EXOC4: variants seen among roughly 807,000 people sequenced by gnomAD.
EXOC4 encodes the protein SEC8-like 1.
A neutral mutation model predicts 107.2 loss-of-function variants in EXOC4; 71 were observed. That is an observed-to-expected ratio of 0.66 (90% confidence interval 0.55 to 0.81). EXOC4 has a LOEUF of 0.81. EXOC4 is among the 30% of genes least tolerant of loss of function. The pLI is 0.00. For synonymous variants in EXOC4, 456 were observed against 441.2 expected, an observed-to-expected ratio of 1.03 and a Z score of -0.42; for missense variants, 1,108 against 1,189.6, an observed-to-expected ratio of 0.93 and a Z score of 1.01.
intron 17 of EXOC4, among the ~76,000 whole-genome samples, chr7:134,024,405 C>G (rs547357600): frequency 8.4e-4 from 127 of 151,272 alleles, no homozygotes; most frequent in African/African-American, 3.0e-3. Context: ...GAGCCGAGAT[C>G]GCGCCACTGC....
At chr7:133,390,569 T>C (rs965378446) in intron 7 of EXOC4, among the ~76,000 whole-genome samples, 6 of 152,128 alleles carry the variant, frequency 3.9e-5, no homozygotes, top group African/African-American at 1.4e-4. Flanking sequence ...AGGGATTTGA[T>C]AGACTTGCCT....
chr7:134,007,767 C>T lies in EXOC4; in HGVS notation c.2619C>T (p.Asn873=). Reference sequence around the variant, plus strand: ...CTGGCATCAAGAAAATGTGTAGGAACATTTTTGTTCTTCAGCAGAATTTGA... The same window carrying T: ...CTGGCATCAAGAAAATGTGTAGGAATATTTTTGTTCTTCAGCAGAATTTGA... ...SESGIKKMCR[N]IFVLQQNLTN... is the part of the protein sequence containing the mutation. The change falls in exon 17 of 18, where the codon AAC becomes AAT. Residue 873 remains asparagine, a synonymous_variant. Transcript: ENST00000253861. The T allele has an allele frequency of 6.2e-7, 1 of 1,613,594 alleles. No homozygotes were observed. Among genetic ancestry groups the T allele is most frequent in the Non-Finnish European group, 8.5e-7 (1 of 1,179,740 alleles).
chr7:133,815,389 A>C (rs1797343609), intron 10 of EXOC4, among the ~76,000 whole-genome samples: 1 of 150,462 alleles, frequency 6.6e-6, no homozygotes, highest in African/African-American at 2.4e-5. Flanking sequence ...AAAAAAAAAA[A>C]GACAAAAACA....
At chr7:133,511,308 A>G (rs1467194305) in intron 9 of EXOC4, among the ~76,000 whole-genome samples, 5 of 152,220 alleles carry the variant, frequency 3.3e-5, no homozygotes, top group Non-Finnish European at 7.3e-5. Flanking sequence ...TAAATTGTTG[A>G]GAATTGACTA....
intron 13 of EXOC4, among the ~76,000 whole-genome samples, chr7:133,925,253 T>A (rs758479298): frequency 6.6e-6 from 1 of 152,162 alleles, no homozygotes; most frequent in Admixed American, 6.5e-5. Context: ...GTTTTTTAAC[T>A]AAAAAATAAA....
At chr7:133,844,281 A>G (rs138041540) in intron 11 of EXOC4, among the ~76,000 whole-genome samples, 78 of 150,478 alleles carry the variant, frequency 5.2e-4, no homozygotes, top group South Asian at 1.7e-3. Flanking sequence ...ATTTCTGTCA[A>G]TTGCCTGTGT....
At position 133,758,869 on chromosome 7, in the gene EXOC4, C is replaced by T. The variant is rs532995563; in HGVS notation, c.1515-58456C>T. Reference sequence around the variant, plus strand: ...GCATGCCTTTTTAGTCTGTAGACTACAGAGGACAAAGATCATGTTATTCAT... The same window carrying T: ...GCATGCCTTTTTAGTCTGTAGACTATAGAGGACAAAGATCATGTTATTCAT... On this transcript the variant is annotated intron_variant, in intron 10 of 17. Transcript: ENST00000253861. 2.0e-3 allele frequency among the ~76,000 whole-genome samples: 298 copies of T among 152,176 alleles called. 1 individual carries two copies. The highest frequency in any genetic ancestry group is 6.9e-3 in the African/African-American group (286 of 41,514).
At chr7:133,708,798 G>A (rs1470396020) in intron 10 of EXOC4, among the ~76,000 whole-genome samples, 1 of 152,178 alleles carries the variant, frequency 6.6e-6, no homozygotes, top group Admixed American at 6.5e-5. Context: ...ACAGCATCTT[G>A]TTTGTCTGTC....
chr7:133,610,986 ATTTT>A (rs35833319), intron 9 of EXOC4, among the ~76,000 whole-genome samples: 2 of 116,816 alleles, frequency 1.7e-5, no homozygotes, highest in Admixed American at 8.7e-5. Flanking sequence ...TGTTTTCTCT[ATTTT>A]TTTTTTTTTT....
At chr7:134,040,884 G>T (rs1444137234) in intron 17 of EXOC4, among the ~76,000 whole-genome samples, 1 of 152,178 alleles carries the variant, frequency 6.6e-6, no homozygotes, top group Non-Finnish European at 1.5e-5. Context: ...GGTATAGGTG[G>T]TCGGGCCTTC....
intron 11 of EXOC4, among the ~76,000 whole-genome samples, chr7:133,846,706 G>A (rs1270812011): frequency 6.6e-6 from 1 of 152,222 alleles, no homozygotes; most frequent in Non-Finnish European, 1.5e-5. Flanking sequence ...AGTAGCCATA[G>A]ACAACATATA....
At chr7:133,376,379 G>A (rs555288447) in intron 7 of EXOC4, among the ~76,000 whole-genome samples, 120 of 152,308 alleles carry the variant, frequency 7.9e-4, no homozygotes, top group African/African-American at 2.7e-3. Context: ...TGTAAATAAT[G>A]TGTGCCTTTC....
chr7:133,534,033 T>C (rs1463028241), intron 9 of EXOC4, among the ~76,000 whole-genome samples: 2 of 152,200 alleles, frequency 1.3e-5, no homozygotes, highest in Non-Finnish European at 2.9e-5. Context: ...ATACCTCTTC[T>C]GAATAACTCA....
intron 10 of EXOC4, among the ~76,000 whole-genome samples, chr7:133,811,036 A>T (rs1181218810): frequency 6.6e-6 from 1 of 152,086 alleles, no homozygotes; most frequent in Non-Finnish European, 1.5e-5. Context: ...TAGGAGGCTG[A>T]TCTGAATAAG....
intron 17 of EXOC4, 90 bp downstream of exon 17, chr7:134,007,925 GA>G: frequency 3.3e-6 from 4 of 1,215,122 alleles, no homozygotes; most frequent in Non-Finnish European, 4.5e-6. Flanking sequence ...TCTTGGTGCA[GA>G]AAAAGCTTAG....
chr7:133,334,969 C>CA (rs1764468926), intron 5 of EXOC4, among the ~76,000 whole-genome samples: 1 of 152,144 alleles, frequency 6.6e-6, no homozygotes, highest in Non-Finnish European at 1.5e-5. Context: ...TCTGGTCTGT[C>CA]ATCGTTGGGA....
the EXOC4 span, among the ~76,000 whole-genome samples, chr7:134,083,137 G>T: frequency 1.3e-5 from 2 of 152,264 alleles, no homozygotes; most frequent in Non-Finnish European, 2.9e-5. Context: ...CATATTTGCT[G>T]GTCATAAGCA....
chr7:133,814,484 A>G (rs1161740875), intron 10 of EXOC4, among the ~76,000 whole-genome samples: 5 of 152,060 alleles, frequency 3.3e-5, no homozygotes, highest in Non-Finnish European at 2.9e-5. Context: ...TGATCTATAT[A>G]CTCTGTATGT....
At chr7:133,437,641 G>A (rs950038279) in intron 7 of EXOC4, among the ~76,000 whole-genome samples, 7 of 151,956 alleles carry the variant, frequency 4.6e-5, no homozygotes, top group East Asian at 1.9e-4. Context: ...TTATTTCCCC[G>A]TTTTTCTGTG....
Sources: gnomAD v4.1 joint callset for allele counts (sites outside exome capture counted in the v4.1 genomes callset) on GRCh38, gnomAD v4.1.1 for gene constraint, MANE v1.5 for transcripts, NCBI Gene and HGNC (gene_info 2026-07-23, HGNC 2026-07-21) for gene names.